DPYSL2: variants seen among roughly 807,000 people sequenced by gnomAD.
The protein encoded by DPYSL2 is dihydropyrimidinase-related protein 2.
DPYSL2 carries 13 observed loss-of-function variants against 69.9 expected under a neutral mutation model. The observed-to-expected ratio is 0.19, with a 90% CI of 0.12 to 0.30. The LOEUF is 0.30. Ranked by LOEUF, DPYSL2 falls within the 10% of genes least tolerant of loss-of-function variation. The pLI is 1.00. For missense variants in DPYSL2, 587 were observed against 918.9 expected, an observed-to-expected ratio of 0.64 and a Z score of 4.67; for synonymous variants, 326 against 359.1, an observed-to-expected ratio of 0.91 and a Z score of 1.04.
intron 1 of DPYSL2, among the ~76,000 whole-genome samples, chr8:26,556,209 A>G (rs1284053313): frequency 8.2e-5 from 1 of 12,138 alleles, no homozygotes; most frequent in Non-Finnish European, 2.0e-4. Context: ...TACTATATAT[A>G]TACTATATAT....
At chr8:26,612,926 A>G (rs536591813) in intron 3 of DPYSL2, among the ~76,000 whole-genome samples, 1 of 152,342 alleles carries the variant, frequency 6.6e-6, no homozygotes, top group Non-Finnish European at 1.5e-5. Flanking sequence ...CTGTGATGTA[A>G]GATCGTAAAC....
chr8:26,530,326 T>C (rs1392722529), intron 1 of DPYSL2, among the ~76,000 whole-genome samples: 1 of 152,184 alleles, frequency 6.6e-6, no homozygotes. Context: ...CACTGTGTTG[T>C]CTTGGCTGTC....
rs62491920 is a variant in DPYSL2, at chr8:26,597,584, C to T, written c.628+13601C>T. On this transcript the variant is annotated intron_variant, in intron 3 of 13. Coordinates refer to ENST00000521913, the MANE Select transcript of DPYSL2 (RefSeq NM_001197293.3). The surrounding 1 kb of genome is among the most constrained non-coding windows in gnomAD (Gnocchi z 5.2). ...CCGCCTCCCAGGTTCACGCCATTCT[C>T]CTGCCTCAGCCTCCCAAGTAGCTGG... is the stretch of plus-strand genomic sequence containing the variant. Among the ~76,000 whole-genome samples the T allele has an allele frequency of 0.013, 2,055 of 152,238 alleles. 26 individuals are homozygous for T. Among genetic ancestry groups the T allele is most frequent in the Middle Eastern group, 0.068 (20 of 294 alleles).
intron 7 of DPYSL2, among the ~76,000 whole-genome samples, chr8:26,630,358 C>G (rs1269762491): frequency 6.6e-6 from 1 of 152,188 alleles, no homozygotes; most frequent in Non-Finnish European, 1.5e-5. Flanking sequence ...CAGCCCTGAC[C>G]TCCCTGGAAT....
Position 26,640,963 on chromosome 8 carries a change from A to G in DPYSL2, c.1127-2476A>G, listed in dbSNP as rs986754161. Among the ~76,000 whole-genome samples, 1 of 152,196 alleles carries G rather than the reference A, an allele frequency of 6.6e-6. No individual in the cohort carries two copies. Among genetic ancestry groups the G allele is most frequent in the African/African-American group, 2.4e-5 (1 of 41,464 alleles). ...AGTTCATTCTCTTGAAGTGAGGTAG[A>G]TATTCCTGTGCACAGAGAGAAGGGG... is the stretch of plus-strand genomic sequence containing the variant. On this transcript the variant is annotated intron_variant, in intron 8 of 13. Coordinates refer to ENST00000521913, the MANE Select transcript of DPYSL2 (RefSeq NM_001197293.3). The surrounding 1 kb of genome is among the most constrained non-coding windows in gnomAD (Gnocchi z 4.2).
chr8:26,577,589 C>T (rs1354946469), intron 1 of DPYSL2, among the ~76,000 whole-genome samples: 4 of 149,578 alleles, frequency 2.7e-5, no homozygotes, highest in Admixed American at 2.7e-4. Flanking sequence ...GAAGCCCCGC[C>T]GTCTCGGGGT....
intron 1 of DPYSL2, among the ~76,000 whole-genome samples, chr8:26,557,530 G>C (rs970650515): frequency 9.5e-5 from 14 of 147,728 alleles, no homozygotes; most frequent in African/African-American, 3.0e-4. Context: ...TGTAATCCCA[G>C]AACTTTGGGA....
rs1800447921 is a variant in DPYSL2, at chr8:26,529,193, G to C, written c.354+14514G>C. Reference sequence around the variant, plus strand: ...TACTAGCTGGCAATAGTAGGCCTAAGATCGTTATAAGATTCTGGCCTCATA... The same window carrying C: ...TACTAGCTGGCAATAGTAGGCCTAACATCGTTATAAGATTCTGGCCTCATA... On this transcript the variant is annotated intron_variant, in intron 1 of 13. Coordinates refer to ENST00000521913, the MANE Select transcript of DPYSL2 (RefSeq NM_001197293.3). 3.3e-5 allele frequency among the ~76,000 whole-genome samples: 5 copies of C among 152,018 alleles called. No individual in the cohort carries two copies. The South Asian group carries it at 1.0e-3, about 32-fold the overall frequency.
rs1330904766 is a variant in DPYSL2 at position 26,580,202 on chromosome 8, G to C, written c.355-1767G>C. ...GAGGTGAAGGGGGAGGCCTCTCCTTGCCTTCCAGGTGATATTTATTCCATG... is the reference window on the plus strand; with the variant it reads ...GAGGTGAAGGGGGAGGCCTCTCCTTCCCTTCCAGGTGATATTTATTCCATG... On this transcript the variant is annotated intron_variant, in intron 1 of 13. Coordinates refer to ENST00000521913, the MANE Select transcript of DPYSL2 (RefSeq NM_001197293.3). The surrounding 1 kb of genome is among the most constrained non-coding windows in gnomAD (Gnocchi z 4.1). 6.6e-6 allele frequency among the ~76,000 whole-genome samples: 1 copy of C among 152,118 alleles called. No individual in the cohort carries two copies. The highest frequency in any genetic ancestry group is 2.4e-5 in the African/African-American group (1 of 41,424).
intron 1 of DPYSL2, chr8:26,578,156 G>A: frequency 1.9e-6 from 3 of 1,598,202 alleles, no homozygotes; most frequent in Non-Finnish European, 2.6e-6. Context: ...ATCTTGCAAA[G>A]GAAAAAAACA....
At position 26,643,303 on chromosome 8, in the gene DPYSL2, C is replaced by A; in HGVS notation, c.1127-136C>A. The A allele has an allele frequency of 1.1e-6, 1 of 924,874 alleles. No individual in the cohort carries two copies. The highest frequency in any genetic ancestry group is 1.6e-6 in the Non-Finnish European group (1 of 636,872). The allele number at this position is 924,874 out of a possible 1,614,324, so 57.3% of individuals were successfully genotyped here. ...CTCCAAGTCTCAGTTTCCTCATCTG[C>A]GAGATGAGCCTGATATTTCCTATAA... On this transcript the variant is annotated intron_variant, in intron 8 of 13. Transcript: ENST00000521913. The surrounding 1 kb of genome is among the most constrained non-coding windows in gnomAD (Gnocchi z 6.5).
chr8:26,635,456 G>T (rs78307226), intron 8 of DPYSL2, among the ~76,000 whole-genome samples: 11,940 of 152,238 alleles, frequency 0.078, 651 homozygotes, highest in East Asian at 0.18. Context: ...CTGATGAAGT[G>T]CAGCTTCCAG....
chr8:26,585,298 T>G lies in DPYSL2; in HGVS notation c.628+1315T>G, dbSNP rs746940734. 6.6e-6 allele frequency among the ~76,000 whole-genome samples: 1 copy of G among 152,134 alleles called. No homozygotes were observed. Among genetic ancestry groups the G allele is most frequent in the South Asian group, 2.1e-4 (1 of 4,832 alleles). ...TGGCTTTGGGGTCTATCTGGAAGCTTCTTTTCTATCTTGCCTGAGCTAGAG... is the reference window on the plus strand; with the variant it reads ...TGGCTTTGGGGTCTATCTGGAAGCTGCTTTTCTATCTTGCCTGAGCTAGAG... On this transcript the variant is annotated intron_variant, in intron 3 of 13. Coordinates refer to ENST00000521913, the MANE Select transcript of DPYSL2 (RefSeq NM_001197293.3). This position sits in a 1 kb window ranked among gnomAD's most constrained non-coding sequence, Gnocchi z 4.0.
In DPYSL2 at chr8:26,624,124, T is replaced by C. The variant is rs761445107; in HGVS notation, c.629-19T>C. 3 of 1,613,940 alleles carry C rather than the reference T, an allele frequency of 1.9e-6. No homozygotes were observed. The Admixed American group carries it at 5.0e-5, about 27-fold the overall frequency. On this transcript the variant is annotated intron_variant, in intron 3 of 13. Transcript: ENST00000521913. This position sits in a 1 kb window ranked among gnomAD's most constrained non-coding sequence, Gnocchi z 4.7. The stretch of plus-strand genomic sequence containing the variant: ...CTTGAGGCTCTTGGTGATGATGACA[T>C]ATGTCTGTTTCTTTCTAGTTGACCA...
chr8:26,602,243 C>T (rs1802011017), intron 3 of DPYSL2, among the ~76,000 whole-genome samples: 1 of 148,978 alleles, frequency 6.7e-6, no homozygotes, highest in Non-Finnish European at 1.5e-5. Flanking sequence ...CATGCCTTTG[C>T]TGCCTTTGGG....
chr8:26,572,029 C>T (rs145940988), intron 1 of DPYSL2, among the ~76,000 whole-genome samples: 1 of 152,342 alleles, frequency 6.6e-6, no homozygotes, highest in Non-Finnish European at 1.5e-5. Context: ...TTTCAACCTT[C>T]TCTGCAGGCT....
chr8:26,651,694 G>T (rs1183530311), intron 11 of DPYSL2, among the ~76,000 whole-genome samples: 1 of 152,188 alleles, frequency 6.6e-6, no homozygotes, highest in Non-Finnish European at 1.5e-5. Context: ...AAACCAGAAG[G>T]ATAGCTACAT....
chr8:26,587,359 C>T lies in DPYSL2; in HGVS notation c.628+3376C>T, dbSNP rs429591. Among the ~76,000 whole-genome samples, 74,181 of 151,488 alleles carry T rather than the reference C, an allele frequency of 0.49. 19,107 individuals are homozygous for T. Among genetic ancestry groups the T allele is most frequent in the African/African-American group, 0.65 (26,918 of 41,242 alleles). The stretch of plus-strand genomic sequence containing the variant: ...TCTCCCTCTTCCTCCCAACTCCCCG[C>T]CACCCCGCCCCTGGGCACTCCACCC... On this transcript the variant is annotated intron_variant, in intron 3 of 13. Coordinates refer to ENST00000521913, the MANE Select transcript of DPYSL2 (RefSeq NM_001197293.3). This position sits in a 1 kb window ranked among gnomAD's most constrained non-coding sequence, Gnocchi z 4.2.
chr8:26,589,349 T>G (rs1801671581), intron 3 of DPYSL2, among the ~76,000 whole-genome samples: 1 of 152,194 alleles, frequency 6.6e-6, no homozygotes, highest in African/African-American at 2.4e-5. Flanking sequence ...TTGCGTGTGG[T>G]TCAATCAAGG....
Sources: gnomAD v4.1 joint callset for allele counts (sites outside exome capture counted in the v4.1 genomes callset) on GRCh38, gnomAD v4.1.1 for gene constraint, Gnocchi (gnomAD v3.1) non-coding constraint, MANE v1.5 for transcripts, NCBI Gene and HGNC (gene_info 2026-07-23, HGNC 2026-07-21) for gene names.